The following USP49 variants were observed in gnomAD, a reference collection of about 807,000 sequenced individuals.
The protein encoded by USP49 is ubiquitin specific peptidase 49.
A neutral mutation model predicts 58.6 loss-of-function variants in USP49; 24 were observed. That is an observed-to-expected ratio of 0.41 (90% CI 0.30 to 0.58). USP49 has a LOEUF of 0.58. Among genes scored for constraint, USP49 ranks in the 20% least tolerant of loss-of-function variants. The pLI, the probability that USP49 is intolerant of heterozygous loss-of-function variation, is 0.30. For synonymous variants in USP49, 408 were observed against 365.1 expected (o/e 1.12, Z -1.34); for missense variants, 703 against 866.1 (o/e 0.81, Z 2.36).
intron 3 of USP49, among the ~76,000 whole-genome samples, chr6:41,843,534 C>T (rs543150072): frequency 6.6e-6 from 1 of 152,208 alleles, no homozygotes; most frequent in African/African-American, 2.4e-5. Context: ...TAGTCTCAAC[C>T]ACTTGGGAGG....
chr6:41,881,671 T>C, intron 2 of USP49, among the ~76,000 whole-genome samples: 1 of 152,106 alleles, frequency 6.6e-6, no homozygotes, highest in East Asian at 1.9e-4. Context: ...AAAGTCATAG[T>C]CATAAAACCA....
intron 3 of USP49, among the ~76,000 whole-genome samples, chr6:41,861,760 G>A (rs1368672515): frequency 6.6e-6 from 1 of 151,106 alleles, no homozygotes; most frequent in African/African-American, 2.4e-5. Context: ...CAGGAGTGCA[G>A]TGATCTCGGC....
At chr6:41,804,967 C>CTA (rs1485364200) in intron 4 of USP49, among the ~76,000 whole-genome samples, 2 of 152,220 alleles carry the variant, frequency 1.3e-5, no homozygotes, top group South Asian at 4.1e-4. Context: ...AGGCTGGTCT[C>CTA]TAACTCCTGA....
Position 41,806,374 on chromosome 6 carries a change from G to A in USP49, c.610C>T (p.Pro204Ser). The stretch of plus-strand genomic sequence containing the variant: ...AGCAGCCGTGCACTCTTGCGCGGAG[G>A]GGTGCTGGCCAGCTCCTCCAGCAGC... ...RRLLEELASTPPRKSARLLLH... is the reference protein window; with the variant it reads ...RRLLEELASTSPRKSARLLLH... Residue 204 changes from proline to serine, a missense_variant, in exon 4 of 8, where the codon CCT becomes TCT. Pro to Ser is a moderately conservative substitution (Grantham distance 74). Around this residue, in one of 6 missense-constraint regions of USP49, gnomAD observed 376 missense variants for 373.5 expected, o/e 1.01. Transcript: ENST00000682992. The surrounding 1 kb of genome is among the most constrained non-coding windows in gnomAD (Gnocchi z 5.9). The A allele has an allele frequency of 6.5e-7, 1 of 1,540,048 alleles. No individual in the cohort carries two copies.
chr6:41,820,699 A>G (rs955133951), intron 3 of USP49, among the ~76,000 whole-genome samples: 5 of 152,146 alleles, frequency 3.3e-5, no homozygotes, highest in East Asian at 3.8e-4. Context: ...TGCTTGAAAT[A>G]TAACATAAAA....
intron 5 of USP49, among the ~76,000 whole-genome samples, chr6:41,801,965 T>C (rs139638844): frequency 6.6e-6 from 1 of 152,200 alleles, no homozygotes; most frequent in African/African-American, 2.4e-5. Context: ...CCAAAAATGA[T>C]GGAGTTAAAG....
Position 41,806,243 on chromosome 6 carries a change from G to A in USP49, c.741C>T (p.Ala247=). The change falls in exon 4 of 8, where the codon GCC becomes GCT. Residue 247 remains alanine, a synonymous_variant. Coordinates refer to ENST00000682992, the MANE Select transcript of USP49 (RefSeq NM_001286554.2). This position sits in a 1 kb window ranked among gnomAD's most constrained non-coding sequence, Gnocchi z 5.9. ...GCAGGCCCGTGACGCCTGGGGCCATGGCCGGCTGGCGACGCAGCTTGAGTG... is the reference window on the plus strand; with the variant it reads ...GCAGGCCCGTGACGCCTGGGGCCATAGCCGGCTGGCGACGCAGCTTGAGTG... ...AATLKLRRQP[A]MAPGVTGLRN... is the part of the protein sequence containing the mutation. 1 of 1,609,686 alleles carries A rather than the reference G, an allele frequency of 6.2e-7. No homozygotes were observed. Among genetic ancestry groups the A allele is most frequent in the Non-Finnish European group, 8.5e-7 (1 of 1,179,976 alleles).
intron 2 of USP49, among the ~76,000 whole-genome samples, chr6:41,882,179 T>C (rs1337967593): frequency 1.3e-5 from 2 of 152,074 alleles, no homozygotes; most frequent in Admixed American, 6.5e-5. Context: ...TGTCTGGAAA[T>C]GCATGGGCCA....
chr6:41,871,426 G>A (rs1197443391), intron 3 of USP49, 138 bp downstream of exon 3: 3 of 152,056 alleles, frequency 2.0e-5, no homozygotes, highest in African/African-American at 7.2e-5. Flanking sequence ...GAAAGCAAGC[G>A]GTGAAAGTTC....
At chr6:41,854,112 T>A (rs1184903501) in intron 3 of USP49, among the ~76,000 whole-genome samples, 1 of 149,250 alleles carries the variant, frequency 6.7e-6, no homozygotes, top group African/African-American at 2.5e-5. Flanking sequence ...AGGTCAGGAG[T>A]TCGAGACCAG....
chr6:41,798,237 T>C (rs868013728), intron 7 of USP49: 24 of 171,990 alleles, frequency 1.4e-4, no homozygotes, highest in Middle Eastern at 2.9e-3. Context: ...TGTTGTTACT[T>C]AGTAATATAC....
At chr6:41,802,406 TTTTTTATTTTATTTTATTTTATTTTA>T (rs1561902488) in intron 5 of USP49, among the ~76,000 whole-genome samples, 3 of 57,664 alleles carry the variant, frequency 5.2e-5, no homozygotes, top group Non-Finnish European at 9.4e-5. Flanking sequence ...TTTTATTTTA[TTTTTTATTTTATTTTATTTTATTTTA>T]TTTATTTATT....
chr6:41,875,571 A>C (rs1222082014), intron 2 of USP49, among the ~76,000 whole-genome samples: 1 of 152,196 alleles, frequency 6.6e-6, no homozygotes, highest in East Asian at 1.9e-4. Flanking sequence ...AAAACTTTCT[A>C]GTCTGCCTAT....
At chr6:41,836,365 C>T (rs908032301) in intron 3 of USP49, among the ~76,000 whole-genome samples, 11 of 152,218 alleles carry the variant, frequency 7.2e-5, no homozygotes, top group Non-Finnish European at 7.4e-5. Context: ...ACTGAAAGAA[C>T]GTATCTCAAA....
In USP49 at chr6:41,793,516, C is replaced by T. The variant is rs1055245477; in HGVS notation, c.*3017G>A. The T allele has an allele frequency of 6.5e-6, 1 of 152,924 alleles. No individual in the cohort carries two copies. The highest frequency in any genetic ancestry group is 2.4e-5 in the African/African-American group (1 of 41,440). 9.5% of individuals were successfully genotyped at this position (152,924 alleles called of 1,614,324 possible). A position where few individuals can be genotyped will look rare whatever the true frequency, so the allele number is the denominator to read the frequency against. On this transcript the variant is annotated 3_prime_UTR_variant, in exon 8 of 8. Transcript: ENST00000682992. ...CCTTGTGATCCGCCCTCCTCGGCCT[C>T]CCAAAGTGCTGGGATTACAGGCATG... is the stretch of plus-strand genomic sequence containing the variant.
At position 41,796,332 on chromosome 6, in the gene USP49, G is replaced by C. The variant is rs1772885804; in HGVS notation, c.*201C>G. ...ATAGAAGTTACTTCTTTTGTTTTTA[G>C]GAAAGGAGGGAACTCCCAAACTCAT... On this transcript the variant is annotated 3_prime_UTR_variant, in exon 8 of 8. Transcript: ENST00000682992. 1 of 499,028 alleles carries C rather than the reference G, an allele frequency of 2.0e-6. No homozygotes were observed. Among genetic ancestry groups the C allele is most frequent in the Non-Finnish European group, 3.6e-6 (1 of 279,710 alleles). 30.9% of individuals were successfully genotyped at this position (499,028 alleles called of 1,614,324 possible).
intron 3 of USP49, among the ~76,000 whole-genome samples, chr6:41,846,679 T>C (rs1250332300): frequency 6.6e-6 from 1 of 152,192 alleles, no homozygotes; most frequent in Non-Finnish European, 1.5e-5. Flanking sequence ...AAAAGGAGAT[T>C]ACAGCAAAAG....
intron 3 of USP49, among the ~76,000 whole-genome samples, chr6:41,807,537 CTCAAGCGATTCTCCCACT>C (rs1426839161): frequency 6.6e-6 from 1 of 151,972 alleles, no homozygotes; most frequent in Non-Finnish European, 1.5e-5. Context: ...ACCTCCCGGG[CTCAAGCGATTCTCCCACT>C]TCAGCCTCCC....
intron 6 of USP49, among the ~76,000 whole-genome samples, 198 bp from the exon 7 acceptor site, chr6:41,799,127 G>T (rs775036320): frequency 1.3e-4 from 19 of 146,812 alleles, no homozygotes; most frequent in Non-Finnish European, 2.7e-4. Context: ...TTCAGACAGG[G>T]TCTCACTCTG....
Sources: allele counts gnomAD v4.1 joint callset (sites outside exome capture counted in the v4.1 genomes callset), GRCh38; gene constraint gnomAD v4.1.1; regional missense constraint gnomAD v4.1.1; non-coding constraint Gnocchi (gnomAD v3.1); transcripts MANE v1.5; gene names NCBI Gene and HGNC (gene_info 2026-07-23, HGNC 2026-07-21).